Variants in ZNF787 observed in about 807,000 individuals in gnomAD.
The protein encoded by ZNF787 is TTF-I-interacting peptide 20.
ZNF787 carries 7 observed loss-of-function variants against 16.9 expected under a neutral mutation model. The ratio of observed to expected loss-of-function variants is 0.42; its 90% CI spans 0.24 to 0.78. The LOEUF (loss-of-function observed/expected upper bound fraction) is 0.78, where lower values mean the gene tolerates loss of function less well. Among genes scored for constraint, ZNF787 ranks in the 30% least tolerant of loss-of-function variants. The probability of loss-of-function intolerance (pLI) is 0.30; values close to 1 mark genes in which losing one functional copy is unlikely to be tolerated. For missense variants in ZNF787, 551 were observed against 589.3 expected (o/e 0.94, Z 0.67); for synonymous variants, 345 against 270.9 (o/e 1.27, Z -2.69).
In ZNF787 at chr19:56,087,881, G is replaced by C. The variant is rs1024633274; in HGVS notation, c.*142C>G. On this transcript the variant is annotated 3_prime_UTR_variant, in exon 3 of 3. Transcript: ENST00000610935. ...CCAGTGCCCCCCCACGGACGGCGCA[G>C]GGACAGAGGAGGGCGGGGAGCCGGG... The C allele has an allele frequency of 5.6e-6, 7 of 1,251,262 alleles. No homozygotes were observed. In the African/African-American group the frequency reaches 1.1e-4, roughly 20 times the overall value. 77.5% of individuals were successfully genotyped at this position (1,251,262 alleles called of 1,614,324 possible).
intron 2 of ZNF787, among the ~76,000 whole-genome samples, chr19:56,094,171 G>A (rs978725876): frequency 3.3e-5 from 5 of 149,552 alleles, no homozygotes; most frequent in African/African-American, 7.4e-5. Flanking sequence ...TTACAGGCAT[G>A]AGCCATCATG....
At chr19:56,112,876 G>A (rs865992565) in intron 1 of ZNF787, among the ~76,000 whole-genome samples, 3 of 147,314 alleles carry the variant, frequency 2.0e-5, no homozygotes, top group East Asian at 2.0e-4. Flanking sequence ...CAGACCAGCC[G>A]TTCCCCCCAC....
intron 1 of ZNF787, among the ~76,000 whole-genome samples, chr19:56,109,946 ACT>A (rs1304942196): frequency 1.3e-5 from 2 of 152,114 alleles, no homozygotes; most frequent in African/African-American, 4.8e-5. Context: ...TAATTCTCAG[ACT>A]CTGCCAGAGA....
At chr19:56,103,099 G>A in intron 2 of ZNF787, 40 bp downstream of exon 2, 1 of 1,605,308 alleles carries the variant, frequency 6.2e-7, no homozygotes, top group Non-Finnish European at 8.5e-7. Context: ...GGTCAGGTGG[G>A]AGGCAGCGGG....
Position 56,088,417 on chromosome 19 carries a change from C to T in ZNF787, c.755G>A (p.Gly252Glu). The T allele has an allele frequency of 8.7e-7, 1 of 1,151,152 alleles. No homozygotes were observed. Among genetic ancestry groups the T allele is most frequent in the Non-Finnish European group, 1.1e-6 (1 of 936,496 alleles). The allele number at this position is 1,151,152 out of a possible 1,614,324, so 71.3% of individuals were successfully genotyped here. The change falls in exon 3 of 3, where the codon GGG becomes GAG. Residue 252 changes from glycine to glutamate, a missense_variant. Gly to Glu is a moderately conservative substitution (Grantham distance 98). Coordinates refer to ENST00000610935, the MANE Select transcript of ZNF787 (RefSeq NM_001002836.4). This position sits in a 1 kb window ranked among gnomAD's most constrained non-coding sequence, Gnocchi z 8.6. The part of the protein sequence containing the change: ...GIIVVGAPGE[G>E]AAAAAAMAGA... ...CGCCATGGCTGCCGCGGCCGCGGCC[C>T]CCTCGCCCGGCGCGCCCACCACGAT... is the stretch of plus-strand genomic sequence containing the variant.
At position 56,088,659 on chromosome 19, in the gene ZNF787, C is replaced by T. The variant is rs1424522299; in HGVS notation, c.513G>A (p.Ser171=). 8 of 1,561,580 alleles carry T rather than the reference C, an allele frequency of 5.1e-6. No homozygotes were observed. The African/African-American group carries it at 9.6e-5, about 19-fold the overall frequency. Residue 171 remains serine, a synonymous_variant, in exon 3 of 3, where the codon TCG becomes TCA. Coordinates refer to ENST00000610935, the MANE Select transcript of ZNF787 (RefSeq NM_001002836.4). This position sits in a 1 kb window ranked among gnomAD's most constrained non-coding sequence, Gnocchi z 8.6. ...QSKSLAKHRR[S]HSGLKPFVCP... ...ACACGAAGGGCTTGAGGCCGCTGTG[C>T]GAGCGCCGGTGCTTGGCCAGGCTCT...
chr19:56,104,827 T>C (rs1986240761), intron 1 of ZNF787, among the ~76,000 whole-genome samples: 1 of 152,266 alleles, frequency 6.6e-6, no homozygotes, highest in South Asian at 2.1e-4. Flanking sequence ...CCCAGATCTC[T>C]CTTTTAAAAC....
intron 1 of ZNF787, among the ~76,000 whole-genome samples, chr19:56,120,392 G>A (rs2030254172): frequency 6.6e-6 from 1 of 152,174 alleles, no homozygotes; most frequent in Admixed American, 6.5e-5. Context: ...GGGGAGGGAG[G>A]CCTCAGGAGT....
At position 56,087,573 on chromosome 19, in the gene ZNF787, TTAAAA is replaced by T. The variant is rs1568519276; in HGVS notation, c.*445_*449del. On this transcript the variant is annotated 3_prime_UTR_variant, in exon 3 of 3. Coordinates refer to ENST00000610935, the MANE Select transcript of ZNF787 (RefSeq NM_001002836.4). ...GGCGGGGAGTCAAAAGGTGGGCTGATTAAAAGAAAATTCTAAAAGAGAAAAGGGCC... is the reference window on the plus strand; with the variant it reads ...GGCGGGGAGTCAAAAGGTGGGCTGATGAAAATTCTAAAAGAGAAAAGGGCC... The T allele has an allele frequency of 6.5e-6, 1 of 152,934 alleles. No homozygotes were observed. 9.5% of individuals were successfully genotyped at this position (152,934 alleles called of 1,614,324 possible).
intron 1 of ZNF787, among the ~76,000 whole-genome samples, chr19:56,108,096 C>T (rs1025844161): frequency 1.2e-4 from 18 of 152,106 alleles, no homozygotes; most frequent in African/African-American, 4.3e-4. Context: ...GCGGCAGCAG[C>T]CAGGAGCAGT....
chr19:56,104,544 C>T lies in ZNF787; in HGVS notation c.-10-1317G>A, dbSNP rs1346853810. 4.6e-5 allele frequency among the ~76,000 whole-genome samples: 7 copies of T among 151,932 alleles called. No homozygotes were observed. The South Asian group carries it at 6.2e-4, about 14-fold the overall frequency. ...CTACACACGCCACTGATCCGTGCCACGCACCAGGAAGGTCTCTACGCACAC... is the reference window on the plus strand; with the variant it reads ...CTACACACGCCACTGATCCGTGCCATGCACCAGGAAGGTCTCTACGCACAC... On this transcript the variant is annotated intron_variant, in intron 1 of 2. Transcript: ENST00000610935.
chr19:56,096,707 C>T (rs537886337), intron 2 of ZNF787, among the ~76,000 whole-genome samples: 57 of 151,948 alleles, frequency 3.8e-4, no homozygotes, highest in African/African-American at 1.2e-3. Flanking sequence ...AGTGAGACTC[C>T]GTCTCAGAAA....
At chr19:56,089,730 T>C (rs1355008115) in intron 2 of ZNF787, among the ~76,000 whole-genome samples, 1 of 152,204 alleles carries the variant, frequency 6.6e-6, no homozygotes, top group East Asian at 1.9e-4. Context: ...GAGGCTATGG[T>C]CAGCCCCTGG....
intron 1 of ZNF787, among the ~76,000 whole-genome samples, chr19:56,112,861 G>A (rs1453199734): frequency 6.6e-6 from 1 of 151,518 alleles, no homozygotes; most frequent in African/African-American, 2.4e-5. Flanking sequence ...GAGCTCTGGG[G>A]TGCCCAGACC....
chr19:56,097,262 CCAGTATTAGCT>C (rs1348679648), intron 2 of ZNF787, among the ~76,000 whole-genome samples: 2 of 152,232 alleles, frequency 1.3e-5, no homozygotes, highest in African/African-American at 4.8e-5. Flanking sequence ...ATTATTCCTA[CCAGTATTAGCT>C]CAGAGGATCT....
At chr19:56,121,076 C>T (rs1378303350) in intron 1 of ZNF787, 96 bp downstream of exon 1, 4 of 135,630 alleles carry the variant, frequency 2.9e-5, no homozygotes, top group Admixed American at 2.1e-4. Context: ...TCGCGCTCGC[C>T]CTCCAGTCTC....
intron 2 of ZNF787, among the ~76,000 whole-genome samples, chr19:56,092,013 G>A (rs113899922): frequency 1.9e-4 from 16 of 85,704 alleles, no homozygotes; most frequent in African/African-American, 5.0e-4. Flanking sequence ...AGCCAAAGCC[G>A]AAACCGAAGC....
At chr19:56,090,118 C>T (rs1985516079) in intron 2 of ZNF787, among the ~76,000 whole-genome samples, 1 of 152,196 alleles carries the variant, frequency 6.6e-6, no homozygotes, top group South Asian at 2.1e-4. Context: ...ACTGTAAGCT[C>T]CTAAGTCTCT....
intron 2 of ZNF787, among the ~76,000 whole-genome samples, chr19:56,091,029 G>C (rs1985553291): frequency 6.6e-6 from 1 of 152,204 alleles, no homozygotes; most frequent in Admixed American, 6.5e-5. Context: ...TCAGGAAGGG[G>C]GGAGCCTTCT....
Sources: allele counts gnomAD v4.1 joint callset (sites outside exome capture counted in the v4.1 genomes callset), GRCh38; gene constraint gnomAD v4.1.1; non-coding constraint Gnocchi (gnomAD v3.1); transcripts MANE v1.5; gene names NCBI Gene and HGNC (gene_info 2026-07-23, HGNC 2026-07-21).